ZFAT: variants seen among roughly 807,000 people sequenced by gnomAD.
ZFAT encodes the protein zinc finger and AT-hook domain containing.
ZFAT carries 64 observed loss-of-function variants against 117.7 expected under a neutral mutation model. The observed-to-expected ratio is 0.54, with a 90% CI of 0.44 to 0.67. ZFAT has a LOEUF of 0.67. Among genes scored for constraint, ZFAT ranks in the 30% least tolerant of loss-of-function variants. ZFAT has a pLI of 0.00. For synonymous variants in ZFAT, 679 were observed against 615.0 expected, an observed-to-expected ratio of 1.10 and a Z score of -1.54; for missense variants, 1,433 against 1,584.5, an observed-to-expected ratio of 0.90 and a Z score of 1.62.
At chr8:134,781,475 A>C in the ZFAT span, among the ~76,000 whole-genome samples, 1 of 152,192 alleles carries the variant, frequency 6.6e-6, no homozygotes, top group South Asian at 2.1e-4. Context: ...AATAGCACTT[A>C]AAATGTAATA....
chr8:134,769,108 G>A, the ZFAT span, among the ~76,000 whole-genome samples: 1 of 152,236 alleles, frequency 6.6e-6, no homozygotes, highest in East Asian at 1.9e-4. Context: ...AGGAGGTGGA[G>A]GTTGCAGTGA....
At chr8:134,532,150 A>T (rs568125911) in intron 12 of ZFAT, among the ~76,000 whole-genome samples, 5 of 152,256 alleles carry the variant, frequency 3.3e-5, no homozygotes, top group Admixed American at 2.6e-4. Flanking sequence ...ACAACAAAAA[A>T]CCCCACAAAG....
At chr8:134,680,155 G>A (rs1833004056) in intron 1 of ZFAT, among the ~76,000 whole-genome samples, 1 of 151,678 alleles carries the variant, frequency 6.6e-6, no homozygotes, top group African/African-American at 2.4e-5. Flanking sequence ...CCAGCTACTT[G>A]GGAGGCTGAG....
intron 6 of ZFAT, 45 bp downstream of exon 6, chr8:134,601,432 T>C (rs762841070): frequency 1.4e-5 from 21 of 1,553,632 alleles, no homozygotes; most frequent in Non-Finnish European, 1.7e-5. Flanking sequence ...GACCACAGCA[T>C]GATGGTTGTG....
At chr8:134,526,248 C>T (rs1188984050) in intron 12 of ZFAT, among the ~76,000 whole-genome samples, 1 of 151,994 alleles carries the variant, frequency 6.6e-6, no homozygotes. Context: ...TATGATAATG[C>T]CCCCACATTA....
At chr8:134,751,050 A>G in the ZFAT span, among the ~76,000 whole-genome samples, 1 of 152,226 alleles carries the variant, frequency 6.6e-6, no homozygotes, top group Non-Finnish European at 1.5e-5. Context: ...TTTTCAATAA[A>G]TGTATTTTTA....
At position 134,478,515 on chromosome 8, in the gene ZFAT, C is replaced by G; in HGVS notation, c.3699G>C (p.Glu1233Asp). ...YVQEAMQPVE[E>D]QAVEQPAQEL Reference sequence around the variant, plus strand: ...CCTGGGCCGGCTGCTCCACAGCCTGCTCCTCCACAGGCTGCATGGCCTCCT... The same window carrying G: ...CCTGGGCCGGCTGCTCCACAGCCTGGTCCTCCACAGGCTGCATGGCCTCCT... The change falls in exon 16 of 16, where the codon GAG becomes GAC. Residue 1233 changes from glutamate to aspartate, a missense_variant. Coordinates refer to ENST00000377838, the MANE Select transcript of ZFAT (RefSeq NM_020863.4). The surrounding 1 kb of genome is among the most constrained non-coding windows in gnomAD (Gnocchi z 5.2). 6.3e-7 allele frequency: 1 copy of G among 1,583,908 alleles called. No homozygotes were observed. The highest frequency in any genetic ancestry group is 1.3e-5 in the African/African-American group (1 of 74,250).
chr8:134,750,651 A>T, the ZFAT span, among the ~76,000 whole-genome samples: 11 of 152,210 alleles, frequency 7.2e-5, no homozygotes, highest in Non-Finnish European at 1.5e-4. Flanking sequence ...CTGTAGTCCA[A>T]ACTACTCAGG....
intron 13 of ZFAT, among the ~76,000 whole-genome samples, chr8:134,520,177 G>C (rs1043604181): frequency 1.3e-5 from 2 of 152,146 alleles, no homozygotes; most frequent in Non-Finnish European, 2.9e-5. Context: ...ATCTCAACAG[G>C]GGATGGGGTT....
chr8:134,668,597 A>C lies in ZFAT; in HGVS notation c.20-10860T>G, dbSNP rs542652119. Among the ~76,000 whole-genome samples the C allele has an allele frequency of 6.2e-4, 94 of 152,382 alleles. 1 individual carries two copies. Among genetic ancestry groups the C allele is most frequent in the African/African-American group, 2.1e-3 (88 of 41,590 alleles). On this transcript the variant is annotated intron_variant, in intron 1 of 15. Coordinates refer to ENST00000377838, the MANE Select transcript of ZFAT (RefSeq NM_020863.4). ...GAAAGGACATCCACACCAAAACCCC[A>C]TCTGTACGTCACCATCATCAAAGAC...
intron 12 of ZFAT, among the ~76,000 whole-genome samples, chr8:134,528,565 A>C (rs760988954): frequency 6.6e-6 from 1 of 152,222 alleles, no homozygotes; most frequent in Non-Finnish European, 1.5e-5. Flanking sequence ...ACATTTTTCT[A>C]ATATAGCACT....
At chr8:134,539,095 C>T (rs1336532486) in intron 11 of ZFAT, among the ~76,000 whole-genome samples, 2 of 152,070 alleles carry the variant, frequency 1.3e-5, no homozygotes, top group South Asian at 2.1e-4. Flanking sequence ...ATATCTCACC[C>T]GTGAAACTGG....
chr8:134,669,634 G>C (rs1411142571), intron 1 of ZFAT, among the ~76,000 whole-genome samples: 4 of 152,186 alleles, frequency 2.6e-5, no homozygotes, highest in African/African-American at 9.7e-5. Context: ...ACCGGTACCA[G>C]CCACTGCAAA....
At chr8:134,783,713 A>G in the ZFAT span, 1 of 152,238 alleles carries the variant, frequency 6.6e-6, no homozygotes, top group South Asian at 2.1e-4. Context: ...CAATTAGTTT[A>G]TTAGAGCAAA....
chr8:134,619,493 G>A lies in ZFAT; in HGVS notation c.449-8838C>T, dbSNP rs541641700. Reference sequence around the variant, plus strand: ...TCACACAAACAGTCCCTACTGATAAGGACAGTTATTGTGAGTGGCTTGCCT... The same window carrying A: ...TCACACAAACAGTCCCTACTGATAAAGACAGTTATTGTGAGTGGCTTGCCT... On this transcript the variant is annotated intron_variant, in intron 3 of 15. Coordinates refer to ENST00000377838, the MANE Select transcript of ZFAT (RefSeq NM_020863.4). 2.0e-5 allele frequency among the ~76,000 whole-genome samples: 3 copies of A among 152,230 alleles called. No individual in the cohort carries two copies. The East Asian group carries it at 5.8e-4, about 29-fold the overall frequency.
At chr8:134,759,560 G>T in the ZFAT span, among the ~76,000 whole-genome samples, 1 of 151,740 alleles carries the variant, frequency 6.6e-6, no homozygotes, top group Non-Finnish European at 1.5e-5. Context: ...GAGAGTTGTG[G>T]TTTAGTATAT....
At chr8:134,760,298 A>G in the ZFAT span, among the ~76,000 whole-genome samples, 2 of 151,850 alleles carry the variant, frequency 1.3e-5, no homozygotes, top group Non-Finnish European at 2.9e-5. Flanking sequence ...ACAAACAAAA[A>G]ACAAACAAAC....
chr8:134,795,305 G>A, the ZFAT span: 2 of 152,174 alleles, frequency 1.3e-5, no homozygotes, highest in Non-Finnish European at 2.9e-5. Context: ...CCAACCTCCA[G>A]GGACACGACA....
chr8:134,820,204 T>C, the ZFAT span, among the ~76,000 whole-genome samples: 1 of 152,170 alleles, frequency 6.6e-6, no homozygotes, highest in East Asian at 1.9e-4. Context: ...TTTTGGACAA[T>C]AAGAGGTTGT....
Sources: allele counts gnomAD v4.1 joint callset (sites outside exome capture counted in the v4.1 genomes callset), GRCh38; gene constraint gnomAD v4.1.1; non-coding constraint Gnocchi (gnomAD v3.1); transcripts MANE v1.5; gene names NCBI Gene and HGNC (gene_info 2026-07-23, HGNC 2026-07-21).